The following HP1BP3 variants were observed in gnomAD, a reference collection of about 807,000 sequenced individuals.
The protein encoded by HP1BP3 is heterochromatin protein 1 binding protein 3.
In HP1BP3, 12 loss-of-function variants were observed where a neutral mutation model predicts 62.5. The ratio of observed to expected loss-of-function variants is 0.19; its 90% confidence interval spans 0.12 to 0.31. The LOEUF is 0.31. Among genes scored for constraint, HP1BP3 ranks in the 10% least tolerant of loss-of-function variants. The pLI is 1.00. For synonymous variants in HP1BP3, 260 were observed against 237.8 expected (o/e 1.09, Z -0.86); for missense variants, 502 against 651.8 (o/e 0.77, Z 2.50).
At chr1:20,776,242 T>C (rs577318056) in intron 4 of HP1BP3, 2 of 443,586 alleles carry the variant, frequency 4.5e-6, no homozygotes, top group Admixed American at 4.1e-5. Flanking sequence ...AGGAATAAAA[T>C]AGTGAAATGT....
At chr1:20,745,150 G>C (rs2055233268) in intron 12 of HP1BP3, 59 bp from the exon 13 acceptor site, 1 of 1,519,768 alleles carries the variant, frequency 6.6e-7, no homozygotes, top group African/African-American at 1.4e-5. Context: ...GTTTTGTTGG[G>C]ACAACCAGAT....
At chr1:20,755,702 T>C (rs1023851669) in intron 9 of HP1BP3, among the ~76,000 whole-genome samples, 1 of 152,220 alleles carries the variant, frequency 6.6e-6, no homozygotes, top group Non-Finnish European at 1.5e-5. Flanking sequence ...TCATAGGCAG[T>C]ATTATTCATA....
intron 11 of HP1BP3, 43 bp downstream of exon 11, chr1:20,747,501 A>G (rs1570541675): frequency 1.7e-6 from 2 of 1,175,488 alleles, no homozygotes; most frequent in Non-Finnish European, 2.5e-6. Flanking sequence ...TGTGTAACTT[A>G]GACTATAAAT....
At chr1:20,764,899 C>T (rs2056695616) in intron 8 of HP1BP3, among the ~76,000 whole-genome samples, 1 of 148,114 alleles carries the variant, frequency 6.8e-6, no homozygotes, top group Non-Finnish European at 1.5e-5. Flanking sequence ...CTGGCCACAG[C>T]GGCTCACGCC....
At chr1:20,759,585 T>C (rs1012652701) in intron 8 of HP1BP3, among the ~76,000 whole-genome samples, 4 of 152,184 alleles carry the variant, frequency 2.6e-5, no homozygotes, top group Non-Finnish European at 4.4e-5. Flanking sequence ...AACCCAACCA[T>C]GCTGGCACCC....
intron 8 of HP1BP3, among the ~76,000 whole-genome samples, chr1:20,757,985 A>T (rs2056225304): frequency 6.6e-6 from 1 of 151,966 alleles, no homozygotes; most frequent in Non-Finnish European, 1.5e-5. Flanking sequence ...CTCTACTAAA[A>T]ATACAAAAAA....
chr1:20,752,982 C>A (rs1475127069), intron 9 of HP1BP3, among the ~76,000 whole-genome samples: 1 of 151,948 alleles, frequency 6.6e-6, no homozygotes, highest in Non-Finnish European at 1.5e-5. Flanking sequence ...CATTCTGTCA[C>A]CCAGGCTGGA....
chr1:20,776,624 T>C lies in HP1BP3; in HGVS notation c.323A>G (p.Asn108Ser). Reference protein sequence around the residue: ...GEPENEEKEENKSSEETKKDE... With the variant: ...GEPENEEKEESKSSEETKKDE... Reference sequence around the variant, plus strand: ...CTTTTTGGTTTCCTCAGAAGACTTATTTTCTTCCTTCTCTTCATTCTCAGG... The same window carrying C: ...CTTTTTGGTTTCCTCAGAAGACTTACTTTCTTCCTTCTCTTCATTCTCAGG... The change falls in exon 4 of 13, where the codon AAT (asparagine) becomes AGT (serine). Residue 108 changes from asparagine to serine, a missense_variant. Physicochemically the swap from Asn to Ser is conservative, Grantham distance 46. Transcript: ENST00000438032. The C allele has an allele frequency of 6.2e-7, 1 of 1,613,452 alleles. No individual in the cohort carries two copies.
chr1:20,745,663 G>A lies in HP1BP3; in HGVS notation c.1254-7C>T, dbSNP rs199650653. 3.8e-5 allele frequency: 62 copies of A among 1,611,966 alleles called. No individual in the cohort carries two copies. Among genetic ancestry groups the A allele is most frequent in the South Asian group, 1.2e-4 (11 of 90,852 alleles). On this transcript the variant is annotated splice_region_variant and splice_polypyrimidine_tract_variant and intron_variant, in intron 11 of 12. Transcript: ENST00000438032. ...CGGAAACAGAACTCCTGGGCTATAC[G>A]GGGAAAAATTAGATTAAAACACAAG... is the stretch of plus-strand genomic sequence containing the variant.
intron 5 of HP1BP3, 55 bp from the exon 6 acceptor site, chr1:20,771,128 A>T (rs1398454664): frequency 7.4e-7 from 1 of 1,358,716 alleles, no homozygotes; most frequent in African/African-American, 1.5e-5. Context: ...AGCCTGACAT[A>T]TATTTTCAAA....
chr1:20,765,131 T>G (rs2056712622), intron 8 of HP1BP3, among the ~76,000 whole-genome samples: 1 of 138,820 alleles, frequency 7.2e-6, no homozygotes, highest in Non-Finnish European at 1.5e-5. Flanking sequence ...ATGGTGCCAC[T>G]GCACTCCAGC....
intron 1 of HP1BP3, among the ~76,000 whole-genome samples, chr1:20,781,313 G>C (rs531311875): frequency 6.6e-6 from 1 of 152,002 alleles, no homozygotes; most frequent in Non-Finnish European, 1.5e-5. Flanking sequence ...CTGTGCTAAT[G>C]AACTATTAAC....
At chr1:20,748,682 C>T (rs570964328) in intron 10 of HP1BP3, among the ~76,000 whole-genome samples, 62 of 152,172 alleles carry the variant, frequency 4.1e-4, no homozygotes, top group Non-Finnish European at 8.4e-4. Flanking sequence ...ATGGCGTGAA[C>T]CCAGGGGAGG....
chr1:20,760,573 T>C (rs940358955), intron 8 of HP1BP3, among the ~76,000 whole-genome samples: 1 of 149,244 alleles, frequency 6.7e-6, no homozygotes, highest in African/African-American at 2.5e-5. Flanking sequence ...CTGGGCACAG[T>C]GGCTCACGTC....
chr1:20,750,107 A>C, intron 9 of HP1BP3: 1 of 774,212 alleles, frequency 1.3e-6, no homozygotes. Flanking sequence ...TCTACCCTCC[A>C]TCCACCCTAA....
Position 20,779,909 on chromosome 1 carries a change from C to T in HP1BP3, c.99G>A (p.Lys33=). ...GAATCGGCATGGTGCTATCTTCTAC[C>T]TTCTAAGAAAAGAGATGGCCATAAT... ...QLIHADKLGE[K]VEDSTMPIRR... is the part of the protein sequence containing the mutation. Residue 33 remains lysine (K), a splice_region_variant and synonymous_variant, in exon 3 of 13, where the codon AAG becomes AAA. Transcript: ENST00000438032. 1 of 1,608,366 alleles carries T rather than the reference C, an allele frequency of 6.2e-7. No homozygotes were observed. The highest frequency in any genetic ancestry group is 1.1e-5 in the South Asian group (1 of 89,684).
Position 20,744,679 on chromosome 1 carries a change from A to G in HP1BP3, c.*118T>C. 2.1e-6 allele frequency: 2 copies of G among 968,890 alleles called. No homozygotes were observed. The highest frequency in any genetic ancestry group is 5.4e-5 in the Admixed American group (2 of 36,758). The allele number at this position is 968,890 out of a possible 1,614,324, so 60.0% of individuals were successfully genotyped here. On this transcript the variant is annotated 3_prime_UTR_variant, in exon 13 of 13. Transcript: ENST00000438032. ...GGTTTATTTAGAGTCCCTCCCCACA[A>G]TGTTCATAGGGGAGGAAAATAATGT...
At chr1:20,759,880 A>ATTTTTTTTTTTTTTTTTTTTTTTTT (rs71014104) in intron 8 of HP1BP3, among the ~76,000 whole-genome samples, 1 of 113,016 alleles carries the variant, frequency 8.8e-6, no homozygotes, top group Non-Finnish European at 1.8e-5. Flanking sequence ...TTAAAGACCG[A>ATTTTTTTTTTTTTTTTTTTTTTTTT]TTTTTTTTTT....
intron 9 of HP1BP3, among the ~76,000 whole-genome samples, chr1:20,751,050 C>G (rs1022821811): frequency 6.6e-6 from 1 of 152,030 alleles, no homozygotes; most frequent in African/African-American, 2.4e-5. Flanking sequence ...CTCCAGACCT[C>G]AGGAGATCTG....
Sources: gnomAD v4.1 joint callset for allele counts (sites outside exome capture counted in the v4.1 genomes callset) on GRCh38, gnomAD v4.1.1 for gene constraint, MANE v1.5 for transcripts, NCBI Gene and HGNC (gene_info 2026-07-23, HGNC 2026-07-21) for gene names.